Variants in ANKS1B observed in about 807,000 individuals in gnomAD.
ANKS1B encodes the protein ankyrin repeat and sterile alpha motif domain-containing protein 1B.
A neutral mutation model predicts 148.3 loss-of-function variants in ANKS1B; 36 were observed. That is an observed-to-expected ratio of 0.24 (90% CI 0.19 to 0.32). The LOEUF (loss-of-function observed/expected upper bound fraction) is 0.32. Ranked by LOEUF, ANKS1B falls within the 10% of genes least tolerant of loss-of-function variation. The probability of loss-of-function intolerance (pLI) is 1.00; values close to 1 mark genes in which losing one functional copy is unlikely to be tolerated. For missense variants in ANKS1B, 1,157 were observed against 1,542.6 expected, an observed-to-expected ratio of 0.75 and a Z score of 4.19; for synonymous variants, 542 against 560.8, an observed-to-expected ratio of 0.97 and a Z score of 0.47.
At chr12:99,404,995 A>G (rs192670642) in intron 11 of ANKS1B, among the ~76,000 whole-genome samples, 1 of 146,348 alleles carries the variant, frequency 6.8e-6, no homozygotes, top group Admixed American at 6.8e-5. Flanking sequence ...AAAGAGTGGC[A>G]TGACATATTT....
At position 99,831,566 on chromosome 12, in the gene ANKS1B, TTC is replaced by T. The variant is rs138558494; in HGVS notation, c.135-6179_135-6178del. On this transcript the variant is annotated intron_variant, in intron 1 of 26. Transcript: ENST00000683438. Reference sequence around the variant, plus strand: ...TATATAATGCCACTTAGAATAGTTATTCTCTCTTTGCTCTTGTCAGCTAGATT... The same window carrying T: ...TATATAATGCCACTTAGAATAGTTATTCTCTTTGCTCTTGTCAGCTAGATT... Among the ~76,000 whole-genome samples, 1,205 of 152,328 alleles carry T rather than the reference TTC, an allele frequency of 7.9e-3. 16 individuals carry two copies. Among genetic ancestry groups the T allele is most frequent in the African/African-American group, 0.027 (1,139 of 41,570 alleles).
chr12:99,558,419 A>C (rs2097300450), intron 9 of ANKS1B, among the ~76,000 whole-genome samples: 1 of 152,040 alleles, frequency 6.6e-6, no homozygotes, highest in Admixed American at 6.5e-5. Context: ...GGCAAGGTCT[A>C]CTCACACATG....
intron 12 of ANKS1B, among the ~76,000 whole-genome samples, chr12:99,396,092 C>G (rs566621403): frequency 1.3e-5 from 2 of 152,082 alleles, no homozygotes; most frequent in South Asian, 4.1e-4. Flanking sequence ...TAAGCAATAA[C>G]TGTGATAATA....
chr12:99,339,939 T>C (rs73383346), intron 12 of ANKS1B, among the ~76,000 whole-genome samples: 2 of 152,156 alleles, frequency 1.3e-5, no homozygotes, highest in Non-Finnish European at 2.9e-5. Flanking sequence ...TGAGGGTCAC[T>C]GAAATGTTCT....
intron 14 of ANKS1B, among the ~76,000 whole-genome samples, chr12:99,238,553 G>C (rs1447260428): frequency 6.6e-6 from 1 of 152,232 alleles, no homozygotes; most frequent in Non-Finnish European, 1.5e-5. Context: ...GAAGAAAGCA[G>C]TGGTTCTCTC....
chr12:99,410,451 C>T (rs1467073269), intron 11 of ANKS1B, among the ~76,000 whole-genome samples: 2 of 152,102 alleles, frequency 1.3e-5, no homozygotes, highest in African/African-American at 4.8e-5. Context: ...GGGCGGATCA[C>T]GAGGTCAGGA....
intron 11 of ANKS1B, among the ~76,000 whole-genome samples, chr12:99,411,618 A>AT (rs891725996): frequency 3.9e-5 from 6 of 152,048 alleles, no homozygotes; most frequent in South Asian, 2.1e-4. Context: ...AATTCTAAAT[A>AT]TTTTTTTCTC....
At chr12:99,959,956 G>A (rs1227042994) in intron 1 of ANKS1B, among the ~76,000 whole-genome samples, 4 of 151,996 alleles carry the variant, frequency 2.6e-5, no homozygotes, top group Non-Finnish European at 4.4e-5. Context: ...CACTATCTTG[G>A]GCAGACGGGA....
At chr12:99,168,918 A>G (rs1011506612) in intron 14 of ANKS1B, among the ~76,000 whole-genome samples, 6 of 152,222 alleles carry the variant, frequency 3.9e-5, no homozygotes, top group African/African-American at 7.2e-5. Context: ...ATTAAAATAA[A>G]CCCATAATAT....
chr12:98,944,302 C>CAAAA (rs11313441), intron 17 of ANKS1B, among the ~76,000 whole-genome samples: 46,474 of 87,558 alleles, frequency 0.53, 13,755 homozygotes, highest in Non-Finnish European at 0.68. Flanking sequence ...CTCCACCTCA[C>CAAAA]AAAAAAAAAA....
intron 10 of ANKS1B, among the ~76,000 whole-genome samples, chr12:99,467,473 C>T (rs1459110898): frequency 1.3e-5 from 2 of 152,150 alleles, no homozygotes; most frequent in Middle Eastern, 3.4e-3. Flanking sequence ...AAAGGGTATT[C>T]GATTAGGAAA....
rs114212406 is a variant in ANKS1B at position 98,788,312 on chromosome 12, C to G, written c.3343-6175G>C. Among the ~76,000 whole-genome samples, 952 of 151,488 alleles carry G rather than the reference C, an allele frequency of 6.3e-3. 9 individuals are homozygous for G. The highest frequency in any genetic ancestry group is 0.022 in the African/African-American group (921 of 41,296). On this transcript the variant is annotated intron_variant, in intron 22 of 26. Transcript: ENST00000683438. The stretch of plus-strand genomic sequence containing the variant: ...AGTTTTCAGTCTCAAGGAGGCAAGG[C>G]TTAGGTCTTCGTTTCTGCAAAGCAA...
At chr12:99,709,184 G>C (rs1411805001) in intron 8 of ANKS1B, among the ~76,000 whole-genome samples, 1 of 152,130 alleles carries the variant, frequency 6.6e-6, no homozygotes, top group Non-Finnish European at 1.5e-5. Flanking sequence ...GCAAGCTTGT[G>C]AGGGTCAGGA....
At chr12:99,012,696 C>A (rs759107521) in intron 17 of ANKS1B, among the ~76,000 whole-genome samples, 58 of 152,198 alleles carry the variant, frequency 3.8e-4, no homozygotes, top group African/African-American at 1.2e-3. Context: ...TTTCATTTTT[C>A]TGCACTTGGG....
At chr12:99,401,026 A>C (rs2094390453) in intron 11 of ANKS1B, among the ~76,000 whole-genome samples, 1 of 145,018 alleles carries the variant, frequency 6.9e-6, no homozygotes, top group Non-Finnish European at 1.5e-5. Flanking sequence ...AAATTATCAC[A>C]ATATGATTTA....
At chr12:99,929,257 AT>A (rs1426654371) in intron 1 of ANKS1B, among the ~76,000 whole-genome samples, 3 of 151,966 alleles carry the variant, frequency 2.0e-5, no homozygotes, top group East Asian at 1.9e-4. Flanking sequence ...TGACAGAGGG[AT>A]TTTTTTTCAT....
chr12:99,275,383 A>G (rs143851363), intron 12 of ANKS1B, among the ~76,000 whole-genome samples: 33 of 152,174 alleles, frequency 2.2e-4, no homozygotes, highest in African/African-American at 7.7e-4. Context: ...TTTACTCTCT[A>G]TCTTCATGAG....
At chr12:99,405,024 A>G (rs1567038036) in intron 11 of ANKS1B, among the ~76,000 whole-genome samples, 2 of 146,014 alleles carry the variant, frequency 1.4e-5, no homozygotes, top group Non-Finnish European at 3.0e-5. Context: ...GGAGGAAAAA[A>G]TGTTTATCCT....
chr12:99,645,354 G>C (rs558882753), intron 9 of ANKS1B, among the ~76,000 whole-genome samples: 1 of 152,126 alleles, frequency 6.6e-6, no homozygotes, highest in Non-Finnish European at 1.5e-5. Context: ...GCAGTTATAC[G>C]AATAATATCT....
Sources: gnomAD v4.1 joint callset for allele counts (sites outside exome capture counted in the v4.1 genomes callset) on GRCh38, gnomAD v4.1.1 for gene constraint, MANE v1.5 for transcripts, NCBI Gene and HGNC (gene_info 2026-07-23, HGNC 2026-07-21) for gene names.